The following CD2AP variants were observed in gnomAD, a reference collection of about 807,000 sequenced individuals.
CD2AP encodes CD2 associated protein, also known as CD2-associated protein.
CD2AP carries 46 observed loss-of-function variants against 85.1 expected under a neutral mutation model. The ratio of observed to expected loss-of-function variants is 0.54; its 90% CI spans 0.43 to 0.69. CD2AP has a LOEUF of 0.69. Ranked by LOEUF, CD2AP falls within the 30% of genes least tolerant of loss-of-function variation. The pLI is 0.00. For missense variants in CD2AP, 769 were observed against 729.5 expected (o/e 1.05, Z -0.62); for synonymous variants, 255 against 252.9 (o/e 1.01, Z -0.08).
intron 10 of CD2AP, 51 bp downstream of exon 10, chr6:47,580,951 C>T (rs376265655): frequency 7.8e-7 from 1 of 1,281,396 alleles, no homozygotes; most frequent in South Asian, 1.2e-5. Flanking sequence ...TTTTAAAATT[C>T]TAAAATGGTA....
chr6:47,614,759 A>G (rs1769536248), intron 17 of CD2AP, among the ~76,000 whole-genome samples: 2 of 152,200 alleles, frequency 1.3e-5, no homozygotes, highest in Admixed American at 6.5e-5. Flanking sequence ...AAAACGAAGT[A>G]CAATAAAAAG....
chr6:47,573,495 T>G (rs1041996525), intron 5 of CD2AP, among the ~76,000 whole-genome samples: 1 of 145,562 alleles, frequency 6.9e-6, no homozygotes, highest in African/African-American at 2.5e-5. Flanking sequence ...TTTTTTTTTT[T>G]TTTTTTTTTT....
chr6:47,589,237 G>A (rs993135437), intron 11 of CD2AP, among the ~76,000 whole-genome samples: 5 of 151,942 alleles, frequency 3.3e-5, no homozygotes, highest in African/African-American at 9.7e-5. Flanking sequence ...TAGTTGGAAG[G>A]TGCTATTCTG....
At chr6:47,483,532 G>C (rs1372529271) in intron 1 of CD2AP, among the ~76,000 whole-genome samples, 1 of 152,130 alleles carries the variant, frequency 6.6e-6, no homozygotes, top group African/African-American at 2.4e-5. Flanking sequence ...GTATTTGCAG[G>C]AACAAAAGTG....
chr6:47,535,636 A>G (rs1208186014), intron 3 of CD2AP, among the ~76,000 whole-genome samples: 1 of 152,204 alleles, frequency 6.6e-6, no homozygotes, highest in East Asian at 1.9e-4. Flanking sequence ...ATATTTGCAT[A>G]TTATATATAC....
chr6:47,607,730 C>T, intron 14 of CD2AP, 197 bp from the exon 15 acceptor site: 1 of 496,158 alleles, frequency 2.0e-6, no homozygotes, highest in Non-Finnish European at 3.6e-6. Context: ...TGCTAAGAGG[C>T]AAGCTGTTTT....
chr6:47,576,524 C>T lies in CD2AP; in HGVS notation c.730C>T (p.Pro244Ser), dbSNP rs757507978. The T allele has an allele frequency of 1.3e-5, 21 of 1,600,598 alleles. No homozygotes were observed. The Admixed American group carries it at 2.3e-4, about 18-fold the overall frequency. ...TTTATGCCATTTTTTTCTATTCTAG[C>T]CCTTAATCCTACAGTCACTGGGACC... ...SETEEKKPEK[P>S]LILQSLGPKT... The change falls in exon 7 of 18, where the codon CCC becomes TCC. Residue 244 changes from proline to serine, a missense_variant and splice_region_variant. Transcript: ENST00000359314.
At chr6:47,499,026 T>C (rs922899162) in intron 1 of CD2AP, among the ~76,000 whole-genome samples, 5 of 152,234 alleles carry the variant, frequency 3.3e-5, no homozygotes, top group Non-Finnish European at 7.3e-5. Flanking sequence ...CAAAATGTCC[T>C]GATTTGGCCA....
chr6:47,610,313 A>G (rs1355206669), intron 16 of CD2AP, among the ~76,000 whole-genome samples: 1 of 152,206 alleles, frequency 6.6e-6, no homozygotes. Flanking sequence ...TATATTTTAA[A>G]AAAAGCAGTT....
At chr6:47,580,187 T>A (rs1419161591) in intron 9 of CD2AP, among the ~76,000 whole-genome samples, 1 of 152,228 alleles carries the variant, frequency 6.6e-6, no homozygotes, top group Non-Finnish European at 1.5e-5. Flanking sequence ...TTCATATGCT[T>A]TATTTTATAG....
At chr6:47,620,865 A>T (rs190331604) in intron 17 of CD2AP, among the ~76,000 whole-genome samples, 20 of 152,264 alleles carry the variant, frequency 1.3e-4, no homozygotes, top group African/African-American at 4.8e-4. Flanking sequence ...TTGTTGGTGT[A>T]TAGAAGAGCT....
chr6:47,563,006 C>T (rs1320596698), intron 5 of CD2AP: 3 of 383,432 alleles, frequency 7.8e-6, no homozygotes. Context: ...AAGAGTCCTT[C>T]AAATGCAAGA....
rs747200381 is a variant in CD2AP, at chr6:47,554,699, C to T, written c.474C>T (p.Pro158=). 3 of 1,613,590 alleles carry T rather than the reference C, an allele frequency of 1.9e-6. No homozygotes were observed. The highest frequency in any genetic ancestry group is 1.1e-5 in the South Asian group (1 of 91,050). ...TGAATAACAAGTTGGGACTGTTTCC[C>T]TCAAATTTTGTGAAAGAATTAGAGG... ...GTLNNKLGLF[P]SNFVKELEVT... is the part of the protein sequence containing the mutation. The change falls in exon 5 of 18, where the codon CCC becomes CCT. Residue 158 remains proline, a synonymous_variant. Coordinates refer to ENST00000359314, the MANE Select transcript of CD2AP (RefSeq NM_012120.3).
chr6:47,478,944 A>G (rs1418942627), intron 1 of CD2AP, among the ~76,000 whole-genome samples: 2 of 152,078 alleles, frequency 1.3e-5, no homozygotes, highest in Non-Finnish European at 2.9e-5. Flanking sequence ...ACAAGGCCTT[A>G]TATGTTATTT....
chr6:47,610,700 TATTTCTTGGA>T (rs1011638774), intron 16 of CD2AP, among the ~76,000 whole-genome samples: 2 of 151,610 alleles, frequency 1.3e-5, no homozygotes, highest in African/African-American at 4.8e-5. Flanking sequence ...TACATGATGG[TATTTCTTGGA>T]ATCCTTCAGT....
Position 47,574,223 on chromosome 6 carries a change from G to A in CD2AP, c.701G>A (p.Ser234Asn), listed in dbSNP as rs1768239059. Residue 234 changes from serine to asparagine, a missense_variant, in exon 6 of 18, where the codon AGT becomes AAT. Ser to Asn is a conservative substitution (Grantham distance 46). Coordinates refer to ENST00000359314, the MANE Select transcript of CD2AP (RefSeq NM_012120.3). ...SVKLRTRTSS[S>N]ETEEKKPEKP... ...AAACTTCGGACAAGAACATCCAGTA[G>A]TGAAACAGAAGAGAAAAAACCAGAA... The A allele has an allele frequency of 6.2e-7, 1 of 1,613,874 alleles. No individual in the cohort carries two copies. Among genetic ancestry groups the A allele is most frequent in the Admixed American group, 1.7e-5 (1 of 60,000 alleles).
rs984392214 is a variant in CD2AP at position 47,607,994 on chromosome 6, C to A, written c.1598C>A (p.Ser533Tyr). ...GAAGACAGTGCCAACCTGAAGCCAT[C>A]TGAATTAAAAAAAGATACATGCTAC... ...KEEDSANLKPSELKKDTCYSP... is the reference protein window; with the variant it reads ...KEEDSANLKPYELKKDTCYSP... Residue 533 changes from serine to tyrosine, a missense_variant, in exon 15 of 18, where the codon TCT becomes TAT. Physicochemically the swap from Ser to Tyr is moderately radical, Grantham distance 144. Coordinates refer to ENST00000359314, the MANE Select transcript of CD2AP (RefSeq NM_012120.3). 3 of 1,612,690 alleles carry A rather than the reference C, an allele frequency of 1.9e-6. No individual in the cohort carries two copies. The African/African-American group carries it at 4.0e-5, about 22-fold the overall frequency.
intron 13 of CD2AP, among the ~76,000 whole-genome samples, chr6:47,601,028 G>A (rs1769114570): frequency 6.6e-6 from 1 of 151,810 alleles, no homozygotes; most frequent in South Asian, 2.1e-4. Flanking sequence ...CTTAGTTTAT[G>A]TCAAAGTAAT....
chr6:47,547,203 A>G (rs1036762479), intron 4 of CD2AP, among the ~76,000 whole-genome samples: 3 of 152,220 alleles, frequency 2.0e-5, no homozygotes, highest in African/African-American at 7.2e-5. Context: ...ACATGTCAAT[A>G]CTAATGTTGA....
Sources: allele counts gnomAD v4.1 joint callset (sites outside exome capture counted in the v4.1 genomes callset), GRCh38; gene constraint gnomAD v4.1.1; transcripts MANE v1.5; gene names NCBI Gene and HGNC (gene_info 2026-07-23, HGNC 2026-07-21).